FBXO32: variants seen among roughly 807,000 people sequenced by gnomAD.
FBXO32 encodes the protein F-box protein 32, also known as F-box only protein 32.
A neutral mutation model predicts 48.3 loss-of-function variants in FBXO32; 15 were observed. The ratio of observed to expected loss-of-function variants is 0.31; its 90% confidence interval spans 0.21 to 0.48. FBXO32 has a LOEUF of 0.48. Among genes scored for constraint, FBXO32 ranks in the 20% least tolerant of loss-of-function variants. The pLI is 0.99. For missense variants in FBXO32, 309 were observed against 432.7 expected, an observed-to-expected ratio of 0.71 and a Z score of 2.54; for synonymous variants, 154 against 165.9, an observed-to-expected ratio of 0.93 and a Z score of 0.55.
chr8:123,541,123 G>A lies in FBXO32; in HGVS notation c.-109C>T. The A allele has an allele frequency of 3.6e-6, 2 of 554,974 alleles. No homozygotes were observed. Among genetic ancestry groups the A allele is most frequent in the Non-Finnish European group, 5.6e-6 (2 of 358,492 alleles). The allele number at this position is 554,974 out of a possible 1,614,324, so 34.4% of individuals were successfully genotyped here. On this transcript the variant is annotated 5_prime_UTR_variant, in exon 1 of 9. Coordinates refer to ENST00000517956, the MANE Select transcript of FBXO32 (RefSeq NM_058229.4). ...GGTGCAGGGGCCCGCGACGGGGGCG[G>A]CGGGGCGGCGGGAACGGCGCGGGGC... is the stretch of plus-strand genomic sequence containing the variant.
At chr8:123,504,260 A>G (rs1816564457) in intron 8 of FBXO32, among the ~76,000 whole-genome samples, 1 of 152,190 alleles carries the variant, frequency 6.6e-6, no homozygotes, top group South Asian at 2.1e-4. Context: ...GAAACTACGT[A>G]CATCTATTAT....
Position 123,501,995 on chromosome 8 carries a change from CCA to C in FBXO32, c.*1376_*1377del, listed in dbSNP as rs1816501382. ...ATTAGGTCCTGAGATTTCCTTTCTT[CCA>C]CAGTTACCTGCTGATATTTGCCTCG... On this transcript the variant is annotated 3_prime_UTR_variant, in exon 9 of 9. Coordinates refer to ENST00000517956, the MANE Select transcript of FBXO32 (RefSeq NM_058229.4). 6.6e-6 allele frequency: 1 copy of C among 152,178 alleles called. No homozygotes were observed. Among genetic ancestry groups the C allele is most frequent in the African/African-American group, 2.4e-5 (1 of 41,440 alleles). 9.4% of individuals were successfully genotyped at this position (152,178 alleles called of 1,614,324 possible). A position where few individuals can be genotyped will look rare whatever the true frequency, so the allele number is the denominator to read the frequency against.
chr8:123,503,349 T>C lies in FBXO32; in HGVS notation c.*24A>G, dbSNP rs772171340. 2 of 1,603,876 alleles carry C rather than the reference T, an allele frequency of 1.2e-6. No individual in the cohort carries two copies. Among genetic ancestry groups the C allele is most frequent in the South Asian group, 2.2e-5 (2 of 90,846 alleles). ...TCTCCAGTCAGCAGGGGGACCCTTC[T>C]GAAGTGTTGTCATGTGCTGGGATTC... On this transcript the variant is annotated 3_prime_UTR_variant, in exon 9 of 9. Coordinates refer to ENST00000517956, the MANE Select transcript of FBXO32 (RefSeq NM_058229.4).
intron 6 of FBXO32, among the ~76,000 whole-genome samples, chr8:123,508,344 G>C (rs1266719381): frequency 1.3e-5 from 2 of 152,188 alleles, no homozygotes; most frequent in Non-Finnish European, 2.9e-5. Flanking sequence ...ACGAGGTGGG[G>C]AGGGAGCAGT....
At chr8:123,518,552 C>T (rs1418247969) in intron 4 of FBXO32, among the ~76,000 whole-genome samples, 2 of 152,190 alleles carry the variant, frequency 1.3e-5, no homozygotes, top group South Asian at 2.1e-4. Context: ...AATGCTGATA[C>T]ATTTTATGAC....
rs1444367710 is a variant in FBXO32, at chr8:123,506,422, T to C, written c.804A>G (p.Lys268=). The C allele has an allele frequency of 1.2e-6, 2 of 1,613,260 alleles. No individual in the cohort carries two copies. Among genetic ancestry groups the C allele is most frequent in the South Asian group, 2.2e-5 (2 of 91,032 alleles). The change falls in exon 7 of 9, where the codon AAA becomes AAG. Residue 268 remains lysine (K), a synonymous_variant. Coordinates refer to ENST00000517956, the MANE Select transcript of FBXO32 (RefSeq NM_058229.4). The surrounding 1 kb of genome is among the most constrained non-coding windows in gnomAD (Gnocchi z 4.0). ...GCTCGGAGAAGTGGTACTGGCAGAG[T>C]TTCTTCCACAGCAGCCGGTCTTCGC... ...VLSEDRLLWK[K]LCQYHFSERQ... is the part of the protein sequence containing the mutation.
At chr8:123,539,337 C>T (rs1457115356) in intron 1 of FBXO32, among the ~76,000 whole-genome samples, 1 of 152,040 alleles carries the variant, frequency 6.6e-6, no homozygotes, top group Non-Finnish European at 1.5e-5. Context: ...TCCTTAGGAA[C>T]AAGGAGGAAG....
chr8:123,498,099 C>A lies in FBXO32; in HGVS notation c.*5274G>T, dbSNP rs1028273726. ...TTATGCTTTAGTTACAATGTTCAAC[C>A]CCCTCTAATACTTTTCATTTAAAAA... On this transcript the variant is annotated 3_prime_UTR_variant, in exon 9 of 9. Coordinates refer to ENST00000517956, the MANE Select transcript of FBXO32 (RefSeq NM_058229.4). 1.3e-5 allele frequency: 2 copies of A among 152,126 alleles called. No homozygotes were observed. The highest frequency in any genetic ancestry group is 4.8e-5 in the African/African-American group (2 of 41,400). The allele number at this position is 152,126 out of a possible 1,614,324, so 9.4% of individuals were successfully genotyped here. A position where few individuals can be genotyped will look rare whatever the true frequency, so the allele number is the denominator to read the frequency against.
intron 4 of FBXO32, among the ~76,000 whole-genome samples, chr8:123,529,372 A>G (rs577954124): frequency 6.6e-6 from 1 of 152,342 alleles, no homozygotes; most frequent in East Asian, 1.9e-4. Flanking sequence ...GGGGAAATCA[A>G]TAATTTTGGT....
chr8:123,526,213 G>C (rs972345840), intron 4 of FBXO32, among the ~76,000 whole-genome samples: 3 of 151,576 alleles, frequency 2.0e-5, no homozygotes, highest in Admixed American at 6.6e-5. Context: ...AACACCCTTC[G>C]ATGATCTTTT....
chr8:123,509,059 C>A (rs966204527), intron 6 of FBXO32, among the ~76,000 whole-genome samples: 4 of 152,170 alleles, frequency 2.6e-5, no homozygotes, highest in Non-Finnish European at 5.9e-5. Context: ...CCCTGCCCAC[C>A]GCATACTGTC....
At chr8:123,514,001 G>A (rs1346547979) in intron 5 of FBXO32, 42 of 444,724 alleles carry the variant, frequency 9.4e-5, no homozygotes, top group Non-Finnish European at 2.4e-5. Flanking sequence ...GAGGCTTATA[G>A]TAGGGCAAGT....
rs1383267095 is a variant in FBXO32 at position 123,506,368 on chromosome 8, G to A, written c.834+24C>T. The A allele has an allele frequency of 6.2e-7, 1 of 1,610,440 alleles. No individual in the cohort carries two copies. The highest frequency in any genetic ancestry group is 1.7e-5 in the Admixed American group (1 of 59,824). On this transcript the variant is annotated intron_variant, in intron 7 of 8. Transcript: ENST00000517956. The surrounding 1 kb of genome is among the most constrained non-coding windows in gnomAD (Gnocchi z 4.0). ...GAGGGCCAGAGAAGGAGGGTGGGAG[G>A]AAAGCCCACTGGGCCTTGCTGACCT...
In FBXO32 at chr8:123,531,940, T is replaced by G; in HGVS notation, c.330A>C (p.Ser110=). The change falls in exon 4 of 9, where the codon TCA becomes TCC. Residue 110 remains serine, a synonymous_variant. Coordinates refer to ENST00000517956, the MANE Select transcript of FBXO32 (RefSeq NM_058229.4). The part of the protein sequence containing the change: ...LGEAFNRLDF[S]TAILDSRRFN... ...ATCTTCTGGAATCCAGAATGGCAGT[T>G]GAGAAGTCCAGTCTGTTGAAAGCTT... is the stretch of plus-strand genomic sequence containing the variant. The G allele has an allele frequency of 6.2e-7, 1 of 1,614,150 alleles. No homozygotes were observed.
intron 4 of FBXO32, among the ~76,000 whole-genome samples, chr8:123,520,475 A>G (rs1816930147): frequency 6.6e-6 from 1 of 152,168 alleles, no homozygotes; most frequent in South Asian, 2.1e-4. Context: ...GATGGTGGTC[A>G]CCGCATGCTG....
At chr8:123,508,153 G>A (rs1306452490) in intron 6 of FBXO32, among the ~76,000 whole-genome samples, 3 of 152,162 alleles carry the variant, frequency 2.0e-5, no homozygotes, top group African/African-American at 7.2e-5. Flanking sequence ...AATACAGGAT[G>A]AAGAAACCCT....
intron 6 of FBXO32, among the ~76,000 whole-genome samples, chr8:123,512,529 C>T (rs949322680): frequency 3.0e-5 from 4 of 135,388 alleles, no homozygotes; most frequent in African/African-American, 5.5e-5. Flanking sequence ...GTCTTCCTCC[C>T]TTTTTTTTTT....
At chr8:123,537,237 A>ATTTT (rs575156237) in intron 1 of FBXO32, among the ~76,000 whole-genome samples, 1 of 147,430 alleles carries the variant, frequency 6.8e-6, no homozygotes, top group Non-Finnish European at 1.5e-5. Flanking sequence ...GGAGCACAGG[A>ATTTT]TTTTTTTTTT....
chr8:123,534,455 A>G (rs185273227), intron 2 of FBXO32, among the ~76,000 whole-genome samples: 67 of 152,306 alleles, frequency 4.4e-4, no homozygotes, highest in Non-Finnish European at 2.1e-4. Flanking sequence ...ACGAATGACT[A>G]GCAGGAAAAA....
Sources: allele counts gnomAD v4.1 joint callset (sites outside exome capture counted in the v4.1 genomes callset), GRCh38; gene constraint gnomAD v4.1.1; non-coding constraint Gnocchi (gnomAD v3.1); transcripts MANE v1.5; gene names NCBI Gene and HGNC (gene_info 2026-07-23, HGNC 2026-07-21).